Variants in THNSL1 observed in about 807,000 individuals in gnomAD.
THNSL1 encodes the protein threonine synthase-like 1.
Under a neutral mutation model 50.4 loss-of-function variants are expected in THNSL1, and 48 were observed. The ratio of observed to expected loss-of-function variants is 0.95; its 90% CI spans 0.76 to 1.21. THNSL1 has a LOEUF of 1.21. Among genes scored for constraint, THNSL1 ranks in the 50% most tolerant of loss-of-function variants. The pLI, the probability that THNSL1 is intolerant of heterozygous loss-of-function variation, is 0.00. For synonymous variants in THNSL1, 309 were observed against 306.1 expected, an observed-to-expected ratio of 1.01 and a Z score of -0.10; for missense variants, 896 against 871.7, an observed-to-expected ratio of 1.03 and a Z score of -0.35.
At chr10:25,017,498 AT>A (rs1850628454) in intron 1 of THNSL1, among the ~76,000 whole-genome samples, 1 of 152,146 alleles carries the variant, frequency 6.6e-6, no homozygotes. Context: ...TGGCGGAGTG[AT>A]TAAAACAACA....
At chr10:25,011,307 G>T in the THNSL1 span, among the ~76,000 whole-genome samples, 1 of 151,850 alleles carries the variant, frequency 6.6e-6, no homozygotes, top group Non-Finnish European at 1.5e-5. Context: ...TTTTTTTCTT[G>T]TACATTTGTT....
the THNSL1 span, among the ~76,000 whole-genome samples, chr10:24,988,626 C>T: frequency 1.1e-5 from 1 of 94,214 alleles, no homozygotes; most frequent in Non-Finnish European, 2.1e-5. Flanking sequence ...GATTATAGAT[C>T]TTTAGCTGGC....
the THNSL1 span, chr10:24,995,676 T>C: frequency 6.2e-7 from 1 of 1,613,942 alleles, no homozygotes; most frequent in Non-Finnish European, 8.5e-7. Context: ...GAACTAGTCC[T>C]GAAGGCTCAA....
the THNSL1 span, among the ~76,000 whole-genome samples, chr10:25,005,555 C>T: frequency 2.6e-5 from 4 of 152,266 alleles, no homozygotes; most frequent in Non-Finnish European, 4.4e-5. Flanking sequence ...ATTACACTAT[C>T]GTGTGGAACT....
chr10:25,024,511 G>A lies in THNSL1; in HGVS notation c.1288G>A (p.Ala430Thr). ...IIGSQRENGW[A>T]VGVESDFDFC... ...TGGCAGTCAGAGAGAAAATGGATGG[G>A]CAGTGGGTGTTGAGTCAGATTTTGA... Residue 430 changes from alanine (A) to threonine (T), a missense_variant, in exon 3 of 3, where the codon GCA (alanine) becomes ACA (threonine). By Grantham distance (58) the Ala-to-Thr change is moderately conservative. Coordinates refer to ENST00000376356, the MANE Select transcript of THNSL1 (RefSeq NM_024838.5). The A allele has an allele frequency of 6.2e-7, 1 of 1,614,220 alleles. No individual in the cohort carries two copies. The highest frequency in any genetic ancestry group is 8.5e-7 in the Non-Finnish European group (1 of 1,180,042).
chr10:25,025,526 T>A lies in THNSL1; in HGVS notation c.*71T>A. Reference sequence around the variant, plus strand: ...ATAAATCTCAAACACTGATTTGGAGTACAGTAGCATTTTGTCTTTTATGTA... The same window carrying A: ...ATAAATCTCAAACACTGATTTGGAGAACAGTAGCATTTTGTCTTTTATGTA... On this transcript the variant is annotated 3_prime_UTR_variant, in exon 3 of 3. Transcript: ENST00000376356. The A allele has an allele frequency of 7.1e-7, 1 of 1,403,824 alleles. No individual in the cohort carries two copies. Among genetic ancestry groups the A allele is most frequent in the Non-Finnish European group, 9.7e-7 (1 of 1,032,146 alleles). 87.0% of individuals were successfully genotyped at this position (1,403,824 alleles called of 1,614,324 possible). A position where few individuals can be genotyped will look rare whatever the true frequency, so the allele number is the denominator to read the frequency against.
chr10:25,001,742 C>T, the THNSL1 span, among the ~76,000 whole-genome samples: 7 of 152,070 alleles, frequency 4.6e-5, no homozygotes, highest in Admixed American at 2.0e-4. Context: ...CTTTCCCCAT[C>T]TTGGTTCATG....
chr10:25,017,437 G>T (rs949279640), intron 1 of THNSL1, among the ~76,000 whole-genome samples: 1 of 152,108 alleles, frequency 6.6e-6, no homozygotes, highest in Non-Finnish European at 1.5e-5. Flanking sequence ...AAAGCTTCCC[G>T]GAGAGGAGAG....
the THNSL1 span, among the ~76,000 whole-genome samples, chr10:24,996,797 T>C: frequency 1.3e-5 from 2 of 152,234 alleles, no homozygotes; most frequent in African/African-American, 4.8e-5. Context: ...ATTAGCCTCT[T>C]GTTAGGGGCT....
At chr10:25,019,186 A>G (rs1850670554) in intron 1 of THNSL1, among the ~76,000 whole-genome samples, 1 of 152,186 alleles carries the variant, frequency 6.6e-6, no homozygotes, top group Non-Finnish European at 1.5e-5. Context: ...ATATTTTAAA[A>G]TTTTAGTTGG....
chr10:25,024,393 T>C lies in THNSL1; in HGVS notation c.1170T>C (p.Phe390=), dbSNP rs1384873689. Residue 390 remains phenylalanine, a synonymous_variant, in exon 3 of 3, where the codon TTT becomes TTC. Coordinates refer to ENST00000376356, the MANE Select transcript of THNSL1 (RefSeq NM_024838.5). ...GDTGSAVLNG[F]SRLNKNDKQR... Reference sequence around the variant, plus strand: ...CAGGGAGTGCAGTCTTAAATGGTTTTAGTCGTCTAAATAAGAATGATAAGC... The same window carrying C: ...CAGGGAGTGCAGTCTTAAATGGTTTCAGTCGTCTAAATAAGAATGATAAGC... 1.9e-6 allele frequency: 3 copies of C among 1,613,956 alleles called. No individual in the cohort carries two copies. The South Asian group carries it at 3.3e-5, about 18-fold the overall frequency.
At chr10:24,988,718 A>ATG in the THNSL1 span, among the ~76,000 whole-genome samples, 123 of 47,700 alleles carry the variant, frequency 2.6e-3, 3 homozygotes, top group African/African-American at 0.011. Flanking sequence ...ATATATATAT[A>ATG]TATATATATT....
At chr10:24,980,458 T>C in the THNSL1 span, among the ~76,000 whole-genome samples, 1 of 151,918 alleles carries the variant, frequency 6.6e-6, no homozygotes, top group Non-Finnish European at 1.5e-5. Flanking sequence ...TAGCATCCTG[T>C]TTTTTTTCTT....
chr10:24,988,326 TTA>T, the THNSL1 span, among the ~76,000 whole-genome samples: 10 of 145,388 alleles, frequency 6.9e-5, no homozygotes, highest in African/African-American at 2.0e-4. Context: ...GTATATATAT[TTA>T]TATATGTGTA....
At chr10:24,960,426 AT>A in the THNSL1 span, among the ~76,000 whole-genome samples, 8 of 151,462 alleles carry the variant, frequency 5.3e-5, no homozygotes, top group Middle Eastern at 3.2e-3. Flanking sequence ...TTATTATTTT[AT>A]TTTTATTTTT....
Position 25,024,326 on chromosome 10 carries a change from C to T in THNSL1, c.1103C>T (p.Pro368Leu). Residue 368 changes from proline (P) to leucine (L), a missense_variant, in exon 3 of 3, where the codon CCA becomes CTA. By Grantham distance (98) the Pro-to-Leu change is moderately conservative (BLOSUM62 -3). Coordinates refer to ENST00000376356, the MANE Select transcript of THNSL1 (RefSeq NM_024838.5). The stretch of plus-strand genomic sequence containing the variant: ...CATATTTTTGCACACTGTATCCCAC[C>T]AAGTTGCAATTATATGATACTTGTA... ...MPHIFAHCIP[P>L]SCNYMILVAT... 6.2e-7 allele frequency: 1 copy of T among 1,614,170 alleles called. No individual in the cohort carries two copies. Among genetic ancestry groups the T allele is most frequent in the Non-Finnish European group, 8.5e-7 (1 of 1,180,028 alleles).
the THNSL1 span, among the ~76,000 whole-genome samples, chr10:24,971,671 A>G: frequency 1.3e-5 from 2 of 152,246 alleles, no homozygotes. Context: ...GGTAACATCT[A>G]GGAAACAGTG....
At chr10:24,964,792 G>A in the THNSL1 span, among the ~76,000 whole-genome samples, 3 of 152,198 alleles carry the variant, frequency 2.0e-5, no homozygotes, top group Non-Finnish European at 2.9e-5. Context: ...GCTGAGCAGC[G>A]TGGCTCACGC....
At chr10:25,011,720 A>C (rs1394013426), upstream of THNSL1, among the ~76,000 whole-genome samples, 1 of 152,272 alleles carries the variant, frequency 6.6e-6, no homozygotes, top group Non-Finnish European at 1.5e-5. Flanking sequence ...AACAAAAGCC[A>C]AAATTGACAA....
Sources: allele counts gnomAD v4.1 joint callset (sites outside exome capture counted in the v4.1 genomes callset), GRCh38; gene constraint gnomAD v4.1.1; transcripts MANE v1.5; gene names NCBI Gene and HGNC (gene_info 2026-07-23, HGNC 2026-07-21).